CCDC40: variants seen among roughly 807,000 people sequenced by gnomAD.
CCDC40 encodes coiled-coil domain-containing protein 40.
A neutral mutation model predicts 124.5 loss-of-function variants in CCDC40; 104 were observed. The ratio of observed to expected loss-of-function variants is 0.84; its 90% confidence interval spans 0.71 to 0.98. The LOEUF (loss-of-function observed/expected upper bound fraction) is 0.98, where lower values mean the gene tolerates loss of function less well. Among genes scored for constraint, CCDC40 ranks in the 50% least tolerant of loss-of-function variants. The pLI is 0.00. For synonymous variants in CCDC40, 580 were observed against 602.9 expected, an observed-to-expected ratio of 0.96 and a Z score of 0.56; for missense variants, 1,463 against 1,503.9, an observed-to-expected ratio of 0.97 and a Z score of 0.45.
chr17:80,037,993 C>T (rs1434832668), intron 1 of CCDC40, 130 bp from the exon 2 acceptor site: 9 of 680,172 alleles, frequency 1.3e-5, no homozygotes, highest in East Asian at 5.9e-5. Context: ...AGGACAAAGA[C>T]GTGACAACAG....
chr17:80,043,931 T>A (rs1036412778), intron 3 of CCDC40, among the ~76,000 whole-genome samples: 1 of 152,168 alleles, frequency 6.6e-6, no homozygotes, highest in Non-Finnish European at 1.5e-5. Flanking sequence ...TCTCCCACTT[T>A]TACTGCCTTG....
chr17:80,055,769 C>T (rs558493764), intron 7 of CCDC40, among the ~76,000 whole-genome samples: 1 of 151,690 alleles, frequency 6.6e-6, no homozygotes, highest in Non-Finnish European at 1.5e-5. Flanking sequence ...TTCCCCCACC[C>T]AGCCACCAGG....
intron 7 of CCDC40, among the ~76,000 whole-genome samples, chr17:80,051,628 C>CAAAAAAAAAAAAA (rs200887220): frequency 5.3e-5 from 5 of 94,146 alleles, no homozygotes; most frequent in African/African-American, 2.0e-4. Context: ...GACTCCGTCT[C>CAAAAAAAAAAAAA]AAAAAAAAAA....
intron 10 of CCDC40, among the ~76,000 whole-genome samples, chr17:80,068,904 A>T (rs888653664): frequency 6.6e-6 from 1 of 152,244 alleles, no homozygotes; most frequent in African/African-American, 2.4e-5. Flanking sequence ...CGGATGACAC[A>T]GACCCCTGCT....
chr17:80,063,564 C>T (rs2037958148), intron 9 of CCDC40, among the ~76,000 whole-genome samples: 1 of 152,192 alleles, frequency 6.6e-6, no homozygotes, highest in Non-Finnish European at 1.5e-5. Context: ...CCTGGGCCAG[C>T]TCCCACTGCC....
At chr17:80,067,606 T>C in intron 10 of CCDC40, 1 of 1,536,250 alleles carries the variant, frequency 6.5e-7, no homozygotes, top group Non-Finnish European at 8.7e-7. Flanking sequence ...GGAAGCTTCC[T>C]GCCCGGGGCA....
intron 7 of CCDC40, among the ~76,000 whole-genome samples, chr17:80,056,002 A>AT (rs1397122647): frequency 5.1e-4 from 4 of 7,862 alleles, no homozygotes; most frequent in African/African-American, 7.3e-4. Flanking sequence ...ATATATATAT[A>AT]TATATATATA....
intron 3 of CCDC40, among the ~76,000 whole-genome samples, chr17:80,043,472 C>T (rs1311559501): frequency 6.6e-6 from 1 of 151,664 alleles, no homozygotes; most frequent in South Asian, 2.1e-4. Context: ...GACATTCGCT[C>T]ACATCTATAT....
rs1245665459 is a variant in CCDC40, at chr17:80,095,312, T to A, written c.2882T>A (p.Met961Lys). The A allele has an allele frequency of 6.2e-7, 1 of 1,614,038 alleles. No individual in the cohort carries two copies. The highest frequency in any genetic ancestry group is 1.7e-5 in the Admixed American group (1 of 60,030). The change falls in exon 18 of 20, where the codon ATG becomes AAG. Residue 961 changes from methionine to lysine, a missense_variant. By Grantham distance (95) the Met-to-Lys change is moderately conservative (BLOSUM62 -1). Coordinates refer to ENST00000397545, the MANE Select transcript of CCDC40 (RefSeq NM_017950.4). ...CAGCAGGAGAAGATGATCCGTGCCA[T>A]GGAGTTGGCGGTTGCCCGCAGAGAG... ...LKQQEKMIRA[M>K]ELAVARRETV...
At chr17:80,062,374 T>C (rs2037924124) in intron 9 of CCDC40, among the ~76,000 whole-genome samples, 1 of 152,098 alleles carries the variant, frequency 6.6e-6, no homozygotes, top group African/African-American at 2.4e-5. Flanking sequence ...TACATATGTA[T>C]ACATGTGCCA....
intron 19 of CCDC40, among the ~76,000 whole-genome samples, 159 bp from the exon 20 acceptor site, chr17:80,099,368 T>G (rs2038871866): frequency 6.6e-6 from 1 of 152,106 alleles, no homozygotes. Flanking sequence ...CTCAGCCTCT[T>G]CCCTGAGATC....
In CCDC40 at chr17:80,089,671, G is replaced by A. The variant is rs2038661545; in HGVS notation, c.2712-93G>A. 4.0e-6 allele frequency: 6 copies of A among 1,505,224 alleles called. No individual in the cohort carries two copies. In the East Asian group the frequency reaches 1.1e-4, roughly 28 times the overall value. 93.2% of individuals were successfully genotyped at this position (1,505,224 alleles called of 1,614,324 possible). On this transcript the variant is annotated intron_variant, in intron 16 of 19. Transcript: ENST00000397545. ...GCAGCTGCTTGGCTCTGCCATTGCAGCTTGAGAGCCTTGTAAAGCCTTAGA... is the reference window on the plus strand; with the variant it reads ...GCAGCTGCTTGGCTCTGCCATTGCAACTTGAGAGCCTTGTAAAGCCTTAGA...
In CCDC40 at chr17:80,086,113, G is replaced by A. The variant is rs2038581616; in HGVS notation, c.2346G>A (p.Gln782=). 6.2e-7 allele frequency: 1 copy of A among 1,614,196 alleles called. No individual in the cohort carries two copies. Among genetic ancestry groups the A allele is most frequent in the Non-Finnish European group, 8.5e-7 (1 of 1,180,042 alleles). ...QAQVTWLRLQ[Q]EMVKVTQEQE... is the part of the protein sequence containing the mutation. The stretch of plus-strand genomic sequence containing the variant: ...AGGTGACCTGGCTGCGCCTGCAGCA[G>A]GAGATGGTCAAGGTGACACAGGAGC... Residue 782 remains glutamine, a synonymous_variant, in exon 14 of 20, where the codon CAG becomes CAA. Coordinates refer to ENST00000397545, the MANE Select transcript of CCDC40 (RefSeq NM_017950.4). This position sits in a 1 kb window ranked among gnomAD's most constrained non-coding sequence, Gnocchi z 5.5.
At position 80,066,066 on chromosome 17, in the gene CCDC40, T is replaced by C; in HGVS notation, c.1562+460T>C. Reference sequence around the variant, plus strand: ...GCATCCCCTCACTTCTGGGGATGGATGCGTGGCTCAGGGCAGGGCGTTGGA... The same window carrying C: ...GCATCCCCTCACTTCTGGGGATGGACGCGTGGCTCAGGGCAGGGCGTTGGA... On this transcript the variant is annotated intron_variant, in intron 10 of 19. Transcript: ENST00000397545. The surrounding 1 kb of genome is among the most constrained non-coding windows in gnomAD (Gnocchi z 4.4). The C allele has an allele frequency of 1.4e-6, 1 of 702,630 alleles. No homozygotes were observed. 43.5% of individuals were successfully genotyped at this position (702,630 alleles called of 1,614,324 possible).
intron 1 of CCDC40, 170 bp from the exon 2 acceptor site, chr17:80,037,953 C>A: frequency 1.7e-6 from 1 of 605,778 alleles, no homozygotes; most frequent in Non-Finnish European, 3.1e-6. Flanking sequence ...ACCTGACAGG[C>A]ATGATATAGT....
chr17:80,044,876 A>T (rs2143596026), intron 3 of CCDC40, among the ~76,000 whole-genome samples: 1 of 152,208 alleles, frequency 6.6e-6, no homozygotes, highest in East Asian at 1.9e-4. Flanking sequence ...ATATGATTGA[A>T]GAAAGGGCAG....
intron 10 of CCDC40, among the ~76,000 whole-genome samples, chr17:80,070,680 G>C (rs2038165416): frequency 6.6e-6 from 1 of 152,146 alleles, no homozygotes; most frequent in East Asian, 1.9e-4. Context: ...GGCTGGGTGG[G>C]AGGATTGCTT....
At chr17:80,083,994 T>C (rs2038519921) in intron 12 of CCDC40, among the ~76,000 whole-genome samples, 1 of 152,150 alleles carries the variant, frequency 6.6e-6, no homozygotes, top group African/African-American at 2.4e-5. Flanking sequence ...TTTTGGAGAA[T>C]TATATAGAAA....
rs201104817 is a variant in CCDC40, at chr17:80,095,369, A to T, written c.2939A>T (p.Lys980Met). 1.7e-5 allele frequency: 27 copies of T among 1,614,022 alleles called. No individual in the cohort carries two copies. Among genetic ancestry groups the T allele is most frequent in the Non-Finnish European group, 2.2e-5 (26 of 1,180,056 alleles). Residue 980 changes from lysine (K) to methionine (M), a missense_variant, in exon 18 of 20, where the codon AAG becomes ATG. Physicochemically the swap from Lys to Met is moderately conservative, Grantham distance 95. Transcript: ENST00000397545. ...TVTTQAEGQRKMDRKALTRTD... is the reference protein window; with the variant it reads ...TVTTQAEGQRMMDRKALTRTD... Reference sequence around the variant, plus strand: ...ACCACCCAGGCCGAGGGGCAGCGCAAGATGGACAGGAAGGCGCTCACCCGC... The same window carrying T: ...ACCACCCAGGCCGAGGGGCAGCGCATGATGGACAGGAAGGCGCTCACCCGC...
Sources: allele counts gnomAD v4.1 joint callset (sites outside exome capture counted in the v4.1 genomes callset), GRCh38; gene constraint gnomAD v4.1.1; non-coding constraint Gnocchi (gnomAD v3.1); transcripts MANE v1.5; gene names NCBI Gene and HGNC (gene_info 2026-07-23, HGNC 2026-07-21).